Variants in CAPN2 observed in about 807,000 individuals in gnomAD.
CAPN2 encodes the protein calpain-2 catalytic subunit.
In CAPN2, 92 loss-of-function variants were observed where a neutral mutation model predicts 102.3. That is an observed-to-expected ratio of 0.90 (90% CI 0.76 to 1.07). The LOEUF is 1.07. Among genes scored for constraint, CAPN2 ranks in the 50% least tolerant of loss-of-function variants. The pLI is 0.00. For synonymous variants in CAPN2, 340 were observed against 355.4 expected, an observed-to-expected ratio of 0.96 and a Z score of 0.49; for missense variants, 800 against 909.4, an observed-to-expected ratio of 0.88 and a Z score of 1.55.
intron 20 of CAPN2, among the ~76,000 whole-genome samples, chr1:223,773,881 A>T (rs1661546095): frequency 6.6e-6 from 1 of 151,968 alleles, no homozygotes; most frequent in Non-Finnish European, 1.5e-5. Context: ...AAAAAATAAA[A>T]AAATGAGCCA....
chr1:223,764,189 A>C lies in CAPN2; in HGVS notation c.1672A>C (p.Arg558=), dbSNP rs1661256288. The C allele has an allele frequency of 6.2e-7, 1 of 1,613,824 alleles. No homozygotes were observed. The highest frequency in any genetic ancestry group is 1.3e-5 in the African/African-American group (1 of 74,906). ...ISAFELQTIL[R]RVLAKRQDIK... ...TGCCTTTGAGCTGCAGACCATCCTG[A>C]GAAGGGTTCTAGCAAAGCGTGAGTA... Residue 558 remains arginine, a synonymous_variant, in exon 15 of 21, where the codon AGA becomes CGA. Coordinates refer to ENST00000295006, the MANE Select transcript of CAPN2 (RefSeq NM_001748.5).
Position 223,770,536 on chromosome 1 carries a change from A to G in CAPN2, c.1903+11A>G, listed in dbSNP as rs546118574. The G allele has an allele frequency of 1.1e-4, 176 of 1,588,014 alleles. 3 individuals are homozygous for G. The South Asian group carries it at 1.8e-3, about 16-fold the overall frequency. On this transcript the variant is annotated intron_variant, in intron 18 of 20. Transcript: ENST00000295006. Reference sequence around the variant, plus strand: ...CATTAGAAGAAGCAGGTAACCCTTTATAACTGCATTTTCGTTCCTAGTTTA... The same window carrying G: ...CATTAGAAGAAGCAGGTAACCCTTTGTAACTGCATTTTCGTTCCTAGTTTA...
chr1:223,740,164 T>C (rs963171485), intron 2 of CAPN2, among the ~76,000 whole-genome samples: 2 of 152,148 alleles, frequency 1.3e-5, no homozygotes, highest in Admixed American at 6.5e-5. Flanking sequence ...GGAGGAACCC[T>C]CTTGTGGACA....
At chr1:223,753,100 C>A in intron 9 of CAPN2, 144 bp downstream of exon 9, 1 of 726,144 alleles carries the variant, frequency 1.4e-6, no homozygotes, top group Non-Finnish European at 2.3e-6. Context: ...TGTCTTCTTT[C>A]TCCCTGAGCC....
chr1:223,746,761 T>C (rs1276332339), intron 4 of CAPN2, among the ~76,000 whole-genome samples: 3 of 152,092 alleles, frequency 2.0e-5, no homozygotes, highest in Non-Finnish European at 4.4e-5. Flanking sequence ...ATTACAGGCA[T>C]GAGCTACCGC....
chr1:223,722,774 G>A (rs980196828), intron 2 of CAPN2, among the ~76,000 whole-genome samples: 4 of 152,036 alleles, frequency 2.6e-5, no homozygotes, highest in Non-Finnish European at 4.4e-5. Flanking sequence ...TGTGGTACAC[G>A]TGTTATAATG....
intron 1 of CAPN2, among the ~76,000 whole-genome samples, chr1:223,715,089 C>T (rs1038166974): frequency 5.9e-5 from 9 of 152,192 alleles, no homozygotes; most frequent in Non-Finnish European, 1.2e-4. Context: ...GTTGAGCCTA[C>T]CCCTTATGGC....
chr1:223,744,304 C>G, intron 3 of CAPN2, 86 bp downstream of exon 3: 1 of 858,388 alleles, frequency 1.2e-6, no homozygotes, highest in South Asian at 1.4e-5. Flanking sequence ...TCATCAGTCC[C>G]TGGTGTTTGC....
intron 8 of CAPN2, 86 bp from the exon 9 acceptor site, chr1:223,752,710 T>C: frequency 1.5e-6 from 2 of 1,334,570 alleles, no homozygotes; most frequent in South Asian, 2.6e-5. Flanking sequence ...TGGCTTTGGG[T>C]GGCTCCTGGT....
In CAPN2 at chr1:223,759,791, G is replaced by A. The variant is rs778918835; in HGVS notation, c.1529+310G>A. On this transcript the variant is annotated intron_variant, in intron 12 of 20. Coordinates refer to ENST00000295006, the MANE Select transcript of CAPN2 (RefSeq NM_001748.5). This position sits in a 1 kb window ranked among gnomAD's most constrained non-coding sequence, Gnocchi z 4.6. Reference sequence around the variant, plus strand: ...AGTTGGTACTTTAATGTTAAACTACGAATCCAGTCTCGTCATTTGAAGAAA... The same window carrying A: ...AGTTGGTACTTTAATGTTAAACTACAAATCCAGTCTCGTCATTTGAAGAAA... Among the ~76,000 whole-genome samples, 54 of 152,182 alleles carry A rather than the reference G, an allele frequency of 3.5e-4. No individual in the cohort carries two copies. Among genetic ancestry groups the A allele is most frequent in the Admixed American group, 6.5e-4 (10 of 15,280 alleles).
At position 223,756,652 on chromosome 1, in the gene CAPN2, T is replaced by C. The variant is rs1249177769; in HGVS notation, c.1306-717T>C. ...TCACCACTGGCAACGTTGCCACCCA[T>C]GGAACACTGACTTCTACCTGCTCAC... On this transcript the variant is annotated intron_variant, in intron 10 of 20. Transcript: ENST00000295006. The surrounding 1 kb of genome is among the most constrained non-coding windows in gnomAD (Gnocchi z 4.1). 6.6e-6 allele frequency among the ~76,000 whole-genome samples: 1 copy of C among 152,134 alleles called. No individual in the cohort carries two copies. Among genetic ancestry groups the C allele is most frequent in the Non-Finnish European group, 1.5e-5 (1 of 68,022 alleles).
At chr1:223,767,435 C>T (rs1042325455) in intron 16 of CAPN2, among the ~76,000 whole-genome samples, 6 of 139,670 alleles carry the variant, frequency 4.3e-5, no homozygotes, top group South Asian at 2.3e-4. Flanking sequence ...TGAGAATATG[C>T]GGTGTTTGGT....
intron 11 of CAPN2, 25 bp downstream of exon 11, chr1:223,757,405 T>C: frequency 6.2e-7 from 1 of 1,613,908 alleles, no homozygotes; most frequent in South Asian, 1.1e-5. Context: ...TGTCCCGGGG[T>C]GCTCAGGTCA....
chr1:223,759,450 C>A lies in CAPN2; in HGVS notation c.1498C>A (p.Arg500=). 6.2e-7 allele frequency: 1 copy of A among 1,614,098 alleles called. No homozygotes were observed. Among genetic ancestry groups the A allele is most frequent in the Non-Finnish European group, 8.5e-7 (1 of 1,180,038 alleles). The stretch of plus-strand genomic sequence containing the variant: ...CAACAAGGATGGGGATTTCTGCATC[C>A]GGGTCTTTTCTGAAAAGAAAGCTGA... The part of the protein sequence containing the change: ...EPNKDGDFCI[R]VFSEKKADYQ... The change falls in exon 12 of 21, where the codon CGG becomes AGG. Residue 500 remains arginine (R), a synonymous_variant. Transcript: ENST00000295006. This position sits in a 1 kb window ranked among gnomAD's most constrained non-coding sequence, Gnocchi z 4.6.
intron 20 of CAPN2, among the ~76,000 whole-genome samples, 178 bp from the exon 21 acceptor site, chr1:223,774,656 A>T (rs1388152194): frequency 6.6e-6 from 1 of 152,226 alleles, no homozygotes; most frequent in Non-Finnish European, 1.5e-5. Flanking sequence ...CAGACTACTG[A>T]CCTGTTAAAA....
At position 223,761,686 on chromosome 1, in the gene CAPN2, C is replaced by T. The variant is rs1661189458; in HGVS notation, c.1566+69C>T. ...TCCAGAGAGCAGAGGAGCAAAAAAA[C>T]TCCAAGAGTTTTTGGACTTCACGAA... On this transcript the variant is annotated intron_variant, in intron 13 of 20. Coordinates refer to ENST00000295006, the MANE Select transcript of CAPN2 (RefSeq NM_001748.5). The T allele has an allele frequency of 3.8e-6, 5 of 1,320,244 alleles. No homozygotes were observed. In the South Asian group the frequency reaches 6.3e-5, roughly 17 times the overall value. 81.8% of individuals were successfully genotyped at this position (1,320,244 alleles called of 1,614,324 possible).
intron 2 of CAPN2, among the ~76,000 whole-genome samples, chr1:223,736,634 C>T (rs1014547024): frequency 1.3e-5 from 2 of 152,190 alleles, no homozygotes; most frequent in African/African-American, 4.8e-5. Context: ...CCCATCTTCC[C>T]CAGTAAGCCT....
At chr1:223,728,452 C>T (rs1362058722) in intron 2 of CAPN2, among the ~76,000 whole-genome samples, 3 of 152,134 alleles carry the variant, frequency 2.0e-5, no homozygotes, top group Non-Finnish European at 2.9e-5. Context: ...CTCATCTTTA[C>T]GACCTAGGCT....
chr1:223,723,574 T>A (rs911963326), intron 2 of CAPN2, among the ~76,000 whole-genome samples: 1 of 152,126 alleles, frequency 6.6e-6, no homozygotes, highest in Admixed American at 6.5e-5. Flanking sequence ...CCCTTGTGGC[T>A]GCCGTCCACA....
Sources: gnomAD v4.1 joint callset for allele counts (sites outside exome capture counted in the v4.1 genomes callset) on GRCh38, gnomAD v4.1.1 for gene constraint, Gnocchi (gnomAD v3.1) non-coding constraint, MANE v1.5 for transcripts, NCBI Gene and HGNC (gene_info 2026-07-23, HGNC 2026-07-21) for gene names.